EXOC4: variants seen among roughly 807,000 people sequenced by gnomAD.
The protein encoded by EXOC4 is SEC8-like 1.
In EXOC4, 71 loss-of-function variants were observed where a neutral mutation model predicts 107.2. The observed-to-expected ratio is 0.66, with a 90% CI of 0.55 to 0.81. EXOC4 has a LOEUF of 0.81. EXOC4 is among the 30% of genes least tolerant of loss of function. EXOC4 has a pLI of 0.00. For missense variants in EXOC4, 1,108 were observed against 1,189.6 expected, an observed-to-expected ratio of 0.93 and a Z score of 1.01; for synonymous variants, 456 against 441.2, an observed-to-expected ratio of 1.03 and a Z score of -0.42.
Position 134,064,943 on chromosome 7 carries a change from T to G in EXOC4, c.*415T>G, listed in dbSNP as rs1253590890. 1 of 153,110 alleles carries G rather than the reference T, an allele frequency of 6.5e-6. No individual in the cohort carries two copies. Among genetic ancestry groups the G allele is most frequent in the Non-Finnish European group, 1.5e-5 (1 of 68,380 alleles). The allele number at this position is 153,110 out of a possible 1,614,324, so 9.5% of individuals were successfully genotyped here. ...AACCATTTAGTAGGGTTCTATTACA[T>G]AAACAGTAGGGTTTTTCCTCTCCTG... is the stretch of plus-strand genomic sequence containing the variant. On this transcript the variant is annotated 3_prime_UTR_variant, in exon 18 of 18. Coordinates refer to ENST00000253861, the MANE Select transcript of EXOC4 (RefSeq NM_021807.4).
intron 10 of EXOC4, among the ~76,000 whole-genome samples, chr7:133,746,984 A>G (rs1434803309): frequency 6.6e-6 from 1 of 152,178 alleles, no homozygotes; most frequent in Non-Finnish European, 1.5e-5. Context: ...TCAGAGGTTC[A>G]GACTGGTGTT....
intron 9 of EXOC4, among the ~76,000 whole-genome samples, chr7:133,627,310 C>T (rs1311534514): frequency 5.3e-5 from 8 of 152,064 alleles, no homozygotes; most frequent in East Asian, 1.9e-4. Context: ...ATGCATAGAG[C>T]GCAACTATAC....
At chr7:133,970,260 G>A (rs1461906657) in intron 14 of EXOC4, among the ~76,000 whole-genome samples, 1 of 152,162 alleles carries the variant, frequency 6.6e-6, no homozygotes, top group African/African-American at 2.4e-5. Flanking sequence ...TTTCAAGCTA[G>A]TGGATCTTAG....
chr7:133,310,091 A>G (rs2150572946), intron 4 of EXOC4, among the ~76,000 whole-genome samples: 1 of 152,320 alleles, frequency 6.6e-6, no homozygotes, highest in South Asian at 2.1e-4. Context: ...GATGAGTGTG[A>G]AGTTTTGTTT....
chr7:133,772,526 TA>T (rs59601566), intron 10 of EXOC4, among the ~76,000 whole-genome samples: 2,628 of 150,216 alleles, frequency 0.017, 70 homozygotes, highest in African/African-American at 0.06. Context: ...ACTTAAAGTA[TA>T]AAAAAAAAAA....
chr7:133,442,010 C>G (rs1000643822), intron 7 of EXOC4, among the ~76,000 whole-genome samples: 2 of 152,210 alleles, frequency 1.3e-5, no homozygotes, highest in Admixed American at 6.5e-5. Flanking sequence ...AAATGAAATT[C>G]TGACCACTTG....
At chr7:133,863,551 T>C (rs960079132) in intron 11 of EXOC4, among the ~76,000 whole-genome samples, 3 of 152,204 alleles carry the variant, frequency 2.0e-5, no homozygotes, top group African/African-American at 7.2e-5. Flanking sequence ...GGATAGTGAC[T>C]GGCAGAGTCC....
intron 9 of EXOC4, among the ~76,000 whole-genome samples, chr7:133,566,654 C>T (rs1248643586): frequency 6.6e-6 from 1 of 152,184 alleles, no homozygotes; most frequent in Non-Finnish European, 1.5e-5. Flanking sequence ...CTACTATACA[C>T]TGCAGTATTA....
intron 11 of EXOC4, among the ~76,000 whole-genome samples, chr7:133,826,205 A>G (rs1797698874): frequency 2.0e-5 from 3 of 152,192 alleles, no homozygotes; most frequent in African/African-American, 4.8e-5. Context: ...TATTGCTAAT[A>G]GAGACTTTTG....
intron 10 of EXOC4, among the ~76,000 whole-genome samples, chr7:133,766,865 A>G (rs1796148301): frequency 6.6e-6 from 1 of 151,976 alleles, no homozygotes; most frequent in African/African-American, 2.4e-5. Flanking sequence ...TTGCAAACCT[A>G]TTCGAGTTAA....
chr7:134,069,003 C>A (rs1179794294), downstream of EXOC4, among the ~76,000 whole-genome samples: 1 of 152,148 alleles, frequency 6.6e-6, no homozygotes, highest in African/African-American at 2.4e-5. Context: ...TGGCTTCTTA[C>A]AACTCCTCTC....
intron 10 of EXOC4, among the ~76,000 whole-genome samples, chr7:133,668,714 G>A (rs1275404411): frequency 6.6e-6 from 1 of 152,200 alleles, no homozygotes; most frequent in Non-Finnish European, 1.5e-5. Flanking sequence ...GGTCAACAGA[G>A]GGGATGTTAA....
Position 133,435,671 on chromosome 7 carries a change from G to T in EXOC4, c.1183-39657G>T, listed in dbSNP as rs148379902. ...CTTCTGTTAACAATGGCAGTCAAAT[G>T]ATACCTAAAACACCTTTATTGTAGA... On this transcript the variant is annotated intron_variant, in intron 7 of 17. Transcript: ENST00000253861. Among the ~76,000 whole-genome samples the T allele has an allele frequency of 4.5e-4, 68 of 152,210 alleles. 1 individual carries two copies. In the East Asian group the frequency reaches 0.011, roughly 24 times the overall value.
intron 1 of EXOC4, among the ~76,000 whole-genome samples, chr7:133,255,302 G>A (rs866460595): frequency 1.3e-5 from 2 of 151,758 alleles, no homozygotes; most frequent in African/African-American, 4.8e-5. Context: ...TCAGCTTCCC[G>A]CATAGCTGGG....
At position 134,058,735 on chromosome 7, in the gene EXOC4, G is replaced by A. The variant is rs1015504056; in HGVS notation, c.2688-5556G>A. On this transcript the variant is annotated intron_variant, in intron 17 of 17. Transcript: ENST00000253861. ...GTACTCAAGACTCAAATGAGTCAGC[G>A]ATAAAAATATTCTTTTCAGTTAGTT... 3.9e-5 allele frequency among the ~76,000 whole-genome samples: 6 copies of A among 152,236 alleles called. No homozygotes were observed. The South Asian group carries it at 8.3e-4, about 21-fold the overall frequency.
intron 14 of EXOC4, among the ~76,000 whole-genome samples, chr7:133,985,765 A>C (rs1015328577): frequency 3.3e-5 from 5 of 152,164 alleles, no homozygotes; most frequent in Admixed American, 2.0e-4. Flanking sequence ...CATATTCAGG[A>C]AGCATTTTTT....
chr7:133,422,622 A>G (rs975978684), intron 7 of EXOC4, among the ~76,000 whole-genome samples: 2 of 152,204 alleles, frequency 1.3e-5, no homozygotes, highest in East Asian at 3.8e-4. Flanking sequence ...AATGGAGGTT[A>G]TGTAGGTTAC....
At chr7:134,067,636 TATACACAC>T (rs1418734212), downstream of EXOC4, among the ~76,000 whole-genome samples, 70 of 129,168 alleles carry the variant, frequency 5.4e-4, 2 homozygotes, top group African/African-American at 1.9e-3. Context: ...TATATATATA[TATACACAC>T]ACACACACAC....
chr7:134,027,017 G>A (rs1441743025), intron 17 of EXOC4, among the ~76,000 whole-genome samples: 1 of 152,018 alleles, frequency 6.6e-6, no homozygotes, highest in Non-Finnish European at 1.5e-5. Context: ...ACCTGTATAT[G>A]ACAAATGGGT....
Sources: gnomAD v4.1 joint callset for allele counts (sites outside exome capture counted in the v4.1 genomes callset) on GRCh38, gnomAD v4.1.1 for gene constraint, MANE v1.5 for transcripts, NCBI Gene and HGNC (gene_info 2026-07-23, HGNC 2026-07-21) for gene names.